Variants in CA10 observed in about 807,000 individuals in gnomAD.
The protein encoded by CA10 is carbonic anhydrase-related protein 10.
CA10 carries 14 observed loss-of-function variants against 44.2 expected under a neutral mutation model. The observed-to-expected ratio is 0.32, with a 90% CI of 0.21 to 0.50. The LOEUF (loss-of-function observed/expected upper bound fraction) is 0.50. CA10 is among the 20% of genes least tolerant of loss of function. The probability of loss-of-function intolerance (pLI) is 0.99; values close to 1 mark genes in which losing one functional copy is unlikely to be tolerated. For missense variants in CA10, 350 were observed against 409.7 expected (o/e 0.85, Z 1.26); for synonymous variants, 159 against 141.6 (o/e 1.12, Z -0.87).
intron 3 of CA10, among the ~76,000 whole-genome samples, chr17:51,879,910 T>G (rs1455576729): frequency 1.3e-5 from 2 of 152,238 alleles, no homozygotes; most frequent in Non-Finnish European, 2.9e-5. Context: ...TTCTATTTTC[T>G]GTATGCTTTG....
At position 51,754,400 on chromosome 17, in the gene CA10, GATATATATATATATATATATATATATAT is replaced by G. The variant is rs56145404; in HGVS notation, c.280-6610_280-6583del. On this transcript the variant is annotated intron_variant, in intron 3 of 8. Coordinates refer to ENST00000451037, the MANE Select transcript of CA10 (RefSeq NM_020178.5). ...CACATACATACTACTGTGTGTGTGT[GATATATATATATATATATATATATATAT>G]ATATATATATATATATATATCACGT... 3.7e-3 allele frequency among the ~76,000 whole-genome samples: 269 copies of G among 73,056 alleles called. 5 individuals are homozygous for G. Among genetic ancestry groups the G allele is most frequent in the African/African-American group, 9.9e-3 (179 of 18,060 alleles). The allele number at this position is 73,056 out of a possible 152,430, so 47.9% of individuals were successfully genotyped here. A position where few individuals can be genotyped will look rare whatever the true frequency, so the allele number is the denominator to read the frequency against.
intron 2 of CA10, among the ~76,000 whole-genome samples, chr17:52,064,658 T>C (rs1179094524): frequency 1.3e-5 from 2 of 152,104 alleles, no homozygotes; most frequent in Admixed American, 6.5e-5. Flanking sequence ...CCTTGTCCAA[T>C]AATCTTTAGA....
At chr17:51,710,667 T>G (rs1915909911) in intron 4 of CA10, among the ~76,000 whole-genome samples, 1 of 152,154 alleles carries the variant, frequency 6.6e-6, no homozygotes, top group Non-Finnish European at 1.5e-5. Context: ...TAAGGGTCCC[T>G]GCAAAACATC....
chr17:51,945,832 TCA>T (rs775835207), intron 2 of CA10, among the ~76,000 whole-genome samples: 1 of 152,080 alleles, frequency 6.6e-6, no homozygotes, highest in Non-Finnish European at 1.5e-5. Context: ...ATTACACCTC[TCA>T]CAGTCACACA....
chr17:52,054,455 C>T (rs950777230), intron 2 of CA10, among the ~76,000 whole-genome samples: 9 of 152,092 alleles, frequency 5.9e-5, no homozygotes, highest in Non-Finnish European at 1.0e-4. Flanking sequence ...ATTTTAATTT[C>T]GCCCTGGTCC....
intron 1 of CA10, among the ~76,000 whole-genome samples, chr17:52,154,621 C>T (rs1310154625): frequency 6.6e-6 from 1 of 152,200 alleles, no homozygotes; most frequent in Non-Finnish European, 1.5e-5. Flanking sequence ...CTCTCTCCCT[C>T]TCTCTTTCTG....
chr17:51,701,942 G>A (rs1169140440), intron 4 of CA10, among the ~76,000 whole-genome samples: 3 of 152,020 alleles, frequency 2.0e-5, no homozygotes, highest in African/African-American at 2.4e-5. Flanking sequence ...TCCTGCCCTG[G>A]GTCTTGTCCT....
intron 2 of CA10, among the ~76,000 whole-genome samples, chr17:51,977,681 C>T (rs1040961599): frequency 6.6e-6 from 1 of 151,858 alleles, no homozygotes; most frequent in African/African-American, 2.4e-5. Context: ...ACTAGAGGTC[C>T]TAGATAGTTC....
chr17:51,744,874 T>C (rs1464791236), intron 4 of CA10, among the ~76,000 whole-genome samples: 1 of 152,202 alleles, frequency 6.6e-6, no homozygotes, highest in Non-Finnish European at 1.5e-5. Flanking sequence ...GCATATAGCA[T>C]TGTTTCGGGG....
chr17:52,046,729 T>C (rs559932986), intron 2 of CA10, among the ~76,000 whole-genome samples: 2 of 151,738 alleles, frequency 1.3e-5, no homozygotes, highest in African/African-American at 2.4e-5. Context: ...AAAAACATTA[T>C]ATAGAAAAAA....
intron 2 of CA10, among the ~76,000 whole-genome samples, chr17:52,048,056 A>AG (rs1476115846): frequency 6.6e-6 from 1 of 151,446 alleles, no homozygotes; most frequent in Non-Finnish European, 1.5e-5. Context: ...AAAAAAAAAA[A>AG]AACATTTGTT....
At chr17:51,668,625 C>G (rs1042558869) in intron 4 of CA10, among the ~76,000 whole-genome samples, 1 of 152,168 alleles carries the variant, frequency 6.6e-6, no homozygotes, top group African/African-American at 2.4e-5. Flanking sequence ...TGCTAGCAAC[C>G]CTTGCTCGCT....
At chr17:52,025,915 T>C (rs950405626) in intron 2 of CA10, among the ~76,000 whole-genome samples, 2 of 152,108 alleles carry the variant, frequency 1.3e-5, no homozygotes. Context: ...TTCTATGCTT[T>C]TTTATGTACA....
chr17:51,754,508 C>G (rs1905020065), intron 3 of CA10, among the ~76,000 whole-genome samples: 1 of 143,954 alleles, frequency 6.9e-6, no homozygotes, highest in Admixed American at 7.1e-5. Flanking sequence ...TTGGCAAGTC[C>G]AAAAGCCTGC....
At chr17:52,065,771 C>T (rs535375816) in intron 2 of CA10, among the ~76,000 whole-genome samples, 7 of 152,334 alleles carry the variant, frequency 4.6e-5, no homozygotes, top group Admixed American at 3.9e-4. Context: ...TGAACATTCT[C>T]TTCCAAGCTT....
chr17:52,026,758 C>A (rs1986314515), intron 2 of CA10, among the ~76,000 whole-genome samples: 1 of 152,072 alleles, frequency 6.6e-6, no homozygotes, highest in Non-Finnish European at 1.5e-5. Context: ...GGGGTAACGA[C>A]CCCTATGATT....
In CA10 at chr17:51,715,846, C is replaced by T. The variant is rs186509303; in HGVS notation, c.465+31787G>A. On this transcript the variant is annotated intron_variant, in intron 4 of 8. Coordinates refer to ENST00000451037, the MANE Select transcript of CA10 (RefSeq NM_020178.5). ...CTGGGATTACAGGCATGTGCCACCA[C>T]GCCTGGCTAACTTTTGTATTTTTAG... Among the ~76,000 whole-genome samples the T allele has an allele frequency of 3.9e-4, 59 of 152,178 alleles. No homozygotes were observed. In the East Asian group the frequency reaches 8.5e-3, roughly 22 times the overall value.
At chr17:51,697,446 A>T (rs1017825077) in intron 4 of CA10, among the ~76,000 whole-genome samples, 7 of 152,146 alleles carry the variant, frequency 4.6e-5, no homozygotes, top group Non-Finnish European at 8.8e-5. Flanking sequence ...CAAATGGCTC[A>T]CCACATCAAG....
chr17:51,919,982 T>C (rs1982164993), intron 3 of CA10, among the ~76,000 whole-genome samples: 1 of 152,198 alleles, frequency 6.6e-6, no homozygotes, highest in Non-Finnish European at 1.5e-5. Context: ...TGTGGGATTA[T>C]GTAACCAGAA....
Sources: gnomAD v4.1 joint callset for allele counts (sites outside exome capture counted in the v4.1 genomes callset) on GRCh38, gnomAD v4.1.1 for gene constraint, MANE v1.5 for transcripts, NCBI Gene and HGNC (gene_info 2026-07-23, HGNC 2026-07-21) for gene names.